The following KIF3C variants were observed in gnomAD, a reference collection of about 807,000 sequenced individuals.
KIF3C encodes kinesin-like protein KIF3C.
KIF3C carries 12 observed loss-of-function variants against 67.7 expected under a neutral mutation model. The observed-to-expected ratio is 0.18, with a 90% CI of 0.11 to 0.29. The LOEUF is 0.29. Among genes scored for constraint, KIF3C ranks in the 10% least tolerant of loss-of-function variants. The probability of loss-of-function intolerance (pLI) is 1.00; values close to 1 mark genes in which losing one functional copy is unlikely to be tolerated. For synonymous variants in KIF3C, 393 were observed against 426.2 expected (o/e 0.92, Z 0.96); for missense variants, 789 against 1,059.6 (o/e 0.74, Z 3.55).
Position 25,980,604 on chromosome 2 carries a change from G to T in KIF3C, c.1314C>A (p.Asn438Lys), listed in dbSNP as rs753392618. 4 of 1,614,012 alleles carry T rather than the reference G, an allele frequency of 2.5e-6. No individual in the cohort carries two copies. The highest frequency in any genetic ancestry group is 3.4e-6 in the Non-Finnish European group (4 of 1,180,010). ...EAWVAEEEDD[N>K]NNNHRPPQPI... The stretch of plus-strand genomic sequence containing the variant: ...GCTGGGGCGGGCGGTGGTTGTTGTT[G>T]TTGTCATCCTCCTCTTCTGCCACCC... Residue 438 changes from asparagine (N) to lysine (K), a missense_variant, in exon 1 of 8, where the codon AAC becomes AAA. This residue lies in a region of KIF3C where 648 missense variants were observed against 807.8 expected (regional missense o/e 0.80). Coordinates refer to ENST00000264712, the MANE Select transcript of KIF3C (RefSeq NM_002254.8). This position sits in a 1 kb window ranked among gnomAD's most constrained non-coding sequence, Gnocchi z 7.6.
At chr2:25,970,973 A>G (rs1184581595) in intron 1 of KIF3C, among the ~76,000 whole-genome samples, 1 of 146,906 alleles carries the variant, frequency 6.8e-6, no homozygotes, top group Non-Finnish European at 1.5e-5. Context: ...AGGAAAAAAA[A>G]AAAAAAAAAA....
At chr2:25,952,001 G>C in intron 4 of KIF3C, 96 bp from the exon 5 acceptor site, 1 of 857,458 alleles carries the variant, frequency 1.2e-6, no homozygotes, top group East Asian at 2.5e-5. Flanking sequence ...CAAGCCAAGA[G>C]GCAGAGGGGG....
chr2:25,943,476 T>C (rs746089976), intron 5 of KIF3C, among the ~76,000 whole-genome samples: 5 of 152,240 alleles, frequency 3.3e-5, no homozygotes, highest in Non-Finnish European at 5.9e-5. Flanking sequence ...TACCGTGGAA[T>C]TGTTTTTACT....
In KIF3C at chr2:25,980,917, G is replaced by T; in HGVS notation, c.1001C>A (p.Ala334Asp). The stretch of plus-strand genomic sequence containing the variant: ...CAGTGTGGCTACCATGATGGTCTTG[G>T]CATTCCCCCCCAGGGAGTCCTGGAG... Reference protein sequence around the residue: ...RLLQDSLGGNAKTIMVATLGP... With the variant: ...RLLQDSLGGNDKTIMVATLGP... Residue 334 changes from alanine (A) to aspartate (D), a missense_variant, in exon 1 of 8, where the codon GCC becomes GAC. By Grantham distance (126) the Ala-to-Asp change is moderately radical (BLOSUM62 -2). Coordinates refer to ENST00000264712, the MANE Select transcript of KIF3C (RefSeq NM_002254.8). This position sits in a 1 kb window ranked among gnomAD's most constrained non-coding sequence, Gnocchi z 7.6. 6.2e-7 allele frequency: 1 copy of T among 1,614,198 alleles called. No homozygotes were observed. Among genetic ancestry groups the T allele is most frequent in the Non-Finnish European group, 8.5e-7 (1 of 1,180,034 alleles).
chr2:25,975,821 G>A (rs1664398915), intron 1 of KIF3C, among the ~76,000 whole-genome samples: 1 of 152,050 alleles, frequency 6.6e-6, no homozygotes, highest in Non-Finnish European at 1.5e-5. Flanking sequence ...AGCCGGGCGT[G>A]GTGGTGGGCG....
intron 1 of KIF3C, among the ~76,000 whole-genome samples, chr2:25,967,434 G>C (rs1373623944): frequency 6.6e-6 from 1 of 152,208 alleles, no homozygotes; most frequent in Admixed American, 6.5e-5. Context: ...ACAAAACCTA[G>C]CTCTTCAGCC....
rs79502835 is a variant in KIF3C, at chr2:25,960,764, C to G, written c.1546-4320G>C. Among the ~76,000 whole-genome samples the G allele has an allele frequency of 7.6e-4, 116 of 152,150 alleles. 1 individual carries two copies. In the East Asian group the frequency reaches 0.019, roughly 25 times the overall value. ...CCAGCCCAAGTAACATGGCAAAACCCGTCTCTATAAAAAATATAAAAATGG... is the reference window on the plus strand; with the variant it reads ...CCAGCCCAAGTAACATGGCAAAACCGGTCTCTATAAAAAATATAAAAATGG... On this transcript the variant is annotated intron_variant, in intron 1 of 7. Coordinates refer to ENST00000264712, the MANE Select transcript of KIF3C (RefSeq NM_002254.8).
At chr2:25,972,399 A>G (rs1664306261) in intron 1 of KIF3C, among the ~76,000 whole-genome samples, 1 of 152,164 alleles carries the variant, frequency 6.6e-6, no homozygotes, top group South Asian at 2.1e-4. Context: ...GTGTTACAAA[A>G]TGCCCCCAGG....
rs1263556932 is a variant in KIF3C at position 25,951,912 on chromosome 2, G to C, written c.1890-7C>G. ...GTTCTCGATGATTAGGTACCTGGGA[G>C]CAGGAATGAAGGAGTGATGGGAAAA... On this transcript the variant is annotated splice_polypyrimidine_tract_variant and splice_region_variant and intron_variant, in intron 4 of 7. Transcript: ENST00000264712. 6.3e-7 allele frequency: 1 copy of C among 1,593,182 alleles called. No homozygotes were observed. The highest frequency in any genetic ancestry group is 8.6e-7 in the Non-Finnish European group (1 of 1,161,118).
At chr2:25,945,990 G>A (rs911118916) in intron 5 of KIF3C, among the ~76,000 whole-genome samples, 2 of 152,010 alleles carry the variant, frequency 1.3e-5, no homozygotes, top group East Asian at 3.9e-4. Context: ...GTGGGTGCCT[G>A]TAATCCCAGC....
intron 1 of KIF3C, among the ~76,000 whole-genome samples, chr2:25,976,974 T>C (rs1171543714): frequency 2.0e-5 from 3 of 152,110 alleles, no homozygotes; most frequent in Non-Finnish European, 4.4e-5. Context: ...ATGTTACCTA[T>C]TCCTCCTACC....
chr2:25,949,881 G>A (rs1037392638), intron 5 of KIF3C, among the ~76,000 whole-genome samples: 2 of 151,348 alleles, frequency 1.3e-5, no homozygotes, highest in African/African-American at 4.8e-5. Context: ...TGAGGCTCGA[G>A]AATCGTTTGA....
intron 1 of KIF3C, among the ~76,000 whole-genome samples, chr2:25,957,018 G>T (rs1663822428): frequency 6.6e-6 from 1 of 152,146 alleles, no homozygotes; most frequent in South Asian, 2.1e-4. Context: ...GGGAAGACTT[G>T]GTTCTACCCA....
intron 1 of KIF3C, among the ~76,000 whole-genome samples, chr2:25,963,190 ATATATATTTT>A (rs1214407692): frequency 7.5e-5 from 4 of 53,622 alleles, no homozygotes; most frequent in African/African-American, 5.0e-4. Flanking sequence ...ATATATATAT[ATATATATTTT>A]TTTTTTTTTT....
intron 4 of KIF3C, among the ~76,000 whole-genome samples, chr2:25,953,874 A>T (rs1234037950): frequency 1.3e-5 from 2 of 148,696 alleles, no homozygotes; most frequent in African/African-American, 5.0e-5. Context: ...CACCATGTTG[A>T]TCAGGCTGGT....
Position 25,982,182 on chromosome 2 carries a change from G to A in KIF3C, c.-265C>T. The A allele has an allele frequency of 4.5e-6, 2 of 449,006 alleles. No homozygotes were observed. Among genetic ancestry groups the A allele is most frequent in the African/African-American group, 4.0e-5 (2 of 49,652 alleles). The allele number at this position is 449,006 out of a possible 1,614,324, so 27.8% of individuals were successfully genotyped here. A position where few individuals can be genotyped will look rare whatever the true frequency, so the allele number is the denominator to read the frequency against. On this transcript the variant is annotated 5_prime_UTR_variant, in exon 1 of 8. Transcript: ENST00000264712. ...AGTCGCCGCGGGAGCAGCGCCTGCC[G>A]AGCAGCCGTGCCCGGAGCCCGCCCC... is the stretch of plus-strand genomic sequence containing the variant.
intron 5 of KIF3C, 82 bp downstream of exon 5, chr2:25,951,706 GC>G (rs1663617646): frequency 2.4e-6 from 2 of 832,544 alleles, no homozygotes; most frequent in Non-Finnish European, 4.0e-6. Context: ...CTCCCTGCAG[GC>G]AAGGCCTCAG....
intron 1 of KIF3C, among the ~76,000 whole-genome samples, chr2:25,967,250 G>A (rs1664166393): frequency 6.6e-6 from 1 of 152,168 alleles, no homozygotes. Context: ...TTAACTGTGT[G>A]CTGGCAGGGA....
In KIF3C at chr2:25,980,519, G is replaced by A. The variant is rs527663149; in HGVS notation, c.1399C>T (p.Arg467Trp). Residue 467 changes from arginine to tryptophan, a missense_variant, in exon 1 of 8, where the codon CGG (arginine) becomes TGG (tryptophan). Physicochemically the swap from Arg to Trp is moderately radical, Grantham distance 101 (BLOSUM62 -3). Coordinates refer to ENST00000264712, the MANE Select transcript of KIF3C (RefSeq NM_002254.8). This position sits in a 1 kb window ranked among gnomAD's most constrained non-coding sequence, Gnocchi z 7.6. ...MENYLQEQKE[R>W]LEEEKAAIQD... ...ATGGCTGCCTTCTCCTCCTCCAGCC[G>A]CTCCTTCTGTTCCTGCAGGTAATTC... is the stretch of plus-strand genomic sequence containing the variant. 46 of 1,614,082 alleles carry A rather than the reference G, an allele frequency of 2.8e-5. No homozygotes were observed. Among genetic ancestry groups the A allele is most frequent in the East Asian group, 1.6e-4 (7 of 44,884 alleles).
Sources: gnomAD v4.1 joint callset for allele counts (sites outside exome capture counted in the v4.1 genomes callset) on GRCh38, gnomAD v4.1.1 for gene constraint, gnomAD v4.1.1 regional missense constraint, Gnocchi (gnomAD v3.1) non-coding constraint, MANE v1.5 for transcripts, NCBI Gene and HGNC (gene_info 2026-07-23, HGNC 2026-07-21) for gene names.